Variants in ABHD2 observed in about 807,000 individuals in gnomAD.
The protein encoded by ABHD2 is abhydrolase domain containing 2, acylglycerol lipase.
A neutral mutation model predicts 48.1 loss-of-function variants in ABHD2; 20 were observed. The observed-to-expected ratio is 0.42, with a 90% confidence interval of 0.29 to 0.60. ABHD2 has a LOEUF of 0.60. ABHD2 is among the 20% of genes least tolerant of loss of function. The probability of loss-of-function intolerance (pLI) is 0.24; values close to 1 mark genes in which losing one functional copy is unlikely to be tolerated. For synonymous variants in ABHD2, 209 were observed against 214.2 expected, an observed-to-expected ratio of 0.98 and a Z score of 0.21; for missense variants, 405 against 550.9, an observed-to-expected ratio of 0.74 and a Z score of 2.65.
chr15:89,160,866 G>A (rs2050752170), intron 5 of ABHD2, among the ~76,000 whole-genome samples: 1 of 152,224 alleles, frequency 6.6e-6, no homozygotes, highest in Non-Finnish European at 1.5e-5. Flanking sequence ...GGGTGGGGGA[G>A]AAGCATCCTT....
chr15:89,170,966 A>C (rs1394409178), intron 5 of ABHD2, among the ~76,000 whole-genome samples: 2 of 152,052 alleles, frequency 1.3e-5, no homozygotes, highest in African/African-American at 4.8e-5. Context: ...AAATACAAAA[A>C]TTAGCCCGGC....
chr15:89,167,981 G>A lies in ABHD2; in HGVS notation c.539-7831G>A, dbSNP rs1003433978. ...ATTCAAACTTCCTTCTTATCCACCT[G>A]ACATTTTGTGGCATATCCACAGATG... On this transcript the variant is annotated intron_variant, in intron 5 of 10. Transcript: ENST00000352732. This position sits in a 1 kb window ranked among gnomAD's most constrained non-coding sequence, Gnocchi z 5.5. Among the ~76,000 whole-genome samples, 10 of 152,150 alleles carry A rather than the reference G, an allele frequency of 6.6e-5. No homozygotes were observed. The highest frequency in any genetic ancestry group is 1.3e-4 in the Non-Finnish European group (9 of 68,038).
chr15:89,099,340 G>A (rs535470493), intron 1 of ABHD2, among the ~76,000 whole-genome samples: 5 of 152,266 alleles, frequency 3.3e-5, no homozygotes, highest in African/African-American at 1.2e-4. Flanking sequence ...GCTCATACCT[G>A]TATAATTCCA....
At chr15:89,187,724 C>G (rs1337569446) in intron 7 of ABHD2, among the ~76,000 whole-genome samples, 1 of 152,208 alleles carries the variant, frequency 6.6e-6, no homozygotes, top group African/African-American at 2.4e-5. Context: ...TGCCCAAATG[C>G]TAAATGAGTT....
chr15:89,064,645 T>G, the ABHD2 span, among the ~76,000 whole-genome samples: 2 of 152,178 alleles, frequency 1.3e-5, no homozygotes, highest in African/African-American at 4.8e-5. Context: ...TAAAATTAAA[T>G]TATTATTTTT....
At chr15:89,121,142 T>G (rs2050043974) in intron 3 of ABHD2, among the ~76,000 whole-genome samples, 1 of 152,244 alleles carries the variant, frequency 6.6e-6, no homozygotes, top group Non-Finnish European at 1.5e-5. Context: ...AAATTTGAAC[T>G]AGGATGCAAA....
At chr15:89,143,004 G>GT (rs574022375) in intron 3 of ABHD2, among the ~76,000 whole-genome samples, 8 of 151,622 alleles carry the variant, frequency 5.3e-5, no homozygotes, top group East Asian at 3.9e-4. Context: ...TCCATGATGA[G>GT]TTTTTTTTTA....
Position 89,116,223 on chromosome 15 carries a change from A to T in ABHD2, c.-6-99A>T. 1 of 1,118,190 alleles carries T rather than the reference A, an allele frequency of 8.9e-7. No homozygotes were observed. The highest frequency in any genetic ancestry group is 1.3e-6 in the Non-Finnish European group (1 of 774,202). The allele number at this position is 1,118,190 out of a possible 1,614,324, so 69.3% of individuals were successfully genotyped here. A position where few individuals can be genotyped will look rare whatever the true frequency, so the allele number is the denominator to read the frequency against. On this transcript the variant is annotated intron_variant, in intron 2 of 10. Transcript: ENST00000352732. This position sits in a 1 kb window ranked among gnomAD's most constrained non-coding sequence, Gnocchi z 4.6. The stretch of plus-strand genomic sequence containing the variant: ...AACATCTGAATTGTGACACACCGTC[A>T]CTGGCAGTATCTCTTAGCCCACCAT...
the ABHD2 span, among the ~76,000 whole-genome samples, chr15:89,059,140 C>T: frequency 1.5e-4 from 23 of 152,268 alleles, no homozygotes; most frequent in African/African-American, 5.5e-4. Context: ...CCAGCATCTC[C>T]CATCATGCCC....
At chr15:89,049,226 TGAG>T in the ABHD2 span, among the ~76,000 whole-genome samples, 1 of 152,190 alleles carries the variant, frequency 6.6e-6, no homozygotes, top group Non-Finnish European at 1.5e-5. Context: ...GGGACCCACT[TGAG>T]GAGGCAGTCT....
At position 89,188,335 on chromosome 15, in the gene ABHD2, T is replaced by C. The variant is rs2150948752; in HGVS notation, c.926+32T>C. On this transcript the variant is annotated intron_variant, in intron 8 of 10. Coordinates refer to ENST00000352732, the MANE Select transcript of ABHD2 (RefSeq NM_152924.5). The surrounding 1 kb of genome is among the most constrained non-coding windows in gnomAD (Gnocchi z 4.1). ...CCGCGCAGGCGGGAGAGGGACGCTC[T>C]GGGGCAGGGTGCCAGGCAGGAGGCT... is the stretch of plus-strand genomic sequence containing the variant. 6.3e-7 allele frequency: 1 copy of C among 1,597,332 alleles called. No homozygotes were observed. Among genetic ancestry groups the C allele is most frequent in the Non-Finnish European group, 8.6e-7 (1 of 1,165,764 alleles).
rs1206388062 is a variant in ABHD2, at chr15:89,185,278, T to G, written c.723-146T>G. 4.8e-6 allele frequency: 3 copies of G among 622,146 alleles called. No homozygotes were observed. Among genetic ancestry groups the G allele is most frequent in the Non-Finnish European group, 8.5e-6 (3 of 351,710 alleles). 38.5% of individuals were successfully genotyped at this position (622,146 alleles called of 1,614,324 possible). A position where few individuals can be genotyped will look rare whatever the true frequency, so the allele number is the denominator to read the frequency against. On this transcript the variant is annotated intron_variant, in intron 6 of 10. Transcript: ENST00000352732. This position sits in a 1 kb window ranked among gnomAD's most constrained non-coding sequence, Gnocchi z 5.9. ...TCCACAGGTGTTTGAGCTCTGCACA[T>G]TAGAGCCTCTGTTTTAATGCAGAGG...
rs982940898 is a variant in ABHD2, at chr15:89,120,137, T to A, written c.194+3616T>A. Among the ~76,000 whole-genome samples the A allele has an allele frequency of 6.6e-6, 1 of 152,208 alleles. No homozygotes were observed. Among genetic ancestry groups the A allele is most frequent in the African/African-American group, 2.4e-5 (1 of 41,442 alleles). ...ATGCTCGAGGAGCAGGGATTACTGTTTTCCCCCTCAGCATTAAAGTCAATT... is the reference window on the plus strand; with the variant it reads ...ATGCTCGAGGAGCAGGGATTACTGTATTCCCCCTCAGCATTAAAGTCAATT... On this transcript the variant is annotated intron_variant, in intron 3 of 10. Coordinates refer to ENST00000352732, the MANE Select transcript of ABHD2 (RefSeq NM_152924.5). The surrounding 1 kb of genome is among the most constrained non-coding windows in gnomAD (Gnocchi z 4.2).
rs903937450 is a variant in ABHD2, at chr15:89,197,188, A to G, written c.*1765A>G. 6.6e-6 allele frequency: 1 copy of G among 152,632 alleles called. No individual in the cohort carries two copies. Among genetic ancestry groups the G allele is most frequent in the East Asian group, 1.9e-4 (1 of 5,188 alleles). 9.5% of individuals were successfully genotyped at this position (152,632 alleles called of 1,614,324 possible). A position where few individuals can be genotyped will look rare whatever the true frequency, so the allele number is the denominator to read the frequency against. On this transcript the variant is annotated 3_prime_UTR_variant, in exon 11 of 11. Transcript: ENST00000352732. This position sits in a 1 kb window ranked among gnomAD's most constrained non-coding sequence, Gnocchi z 4.4. ...TAACCTGAAGAAGTTGTTTTCTGAC[A>G]ATCACCAAATCATCCGAATGACATC...
intron 3 of ABHD2, chr15:89,135,404 T>C (rs1338284234): frequency 1.7e-6 from 1 of 580,786 alleles, no homozygotes; most frequent in Non-Finnish European, 3.0e-6. Flanking sequence ...GTGTTAACTA[T>C]ACAAAAAAAA....
At chr15:89,045,873 T>C in the ABHD2 span, among the ~76,000 whole-genome samples, 2 of 152,232 alleles carry the variant, frequency 1.3e-5, no homozygotes, top group African/African-American at 2.4e-5. Context: ...CTTTTCCTAA[T>C]TGAATACCCT....
intron 3 of ABHD2, among the ~76,000 whole-genome samples, chr15:89,117,365 T>C (rs2049978127): frequency 6.6e-6 from 1 of 152,216 alleles, no homozygotes; most frequent in South Asian, 2.1e-4. Context: ...CGGGCTCTGC[T>C]TCTGACAGAG....
rs2051063708 is a variant in ABHD2 at position 89,179,019 on chromosome 15, CCT to C, written c.722+3026_722+3027del. ...GTAAAAGATAGTCTGTATCTGAGGA[CCT>C]CACAGCACTTAAGACAGCAGAGTGA... On this transcript the variant is annotated intron_variant, in intron 6 of 10. Coordinates refer to ENST00000352732, the MANE Select transcript of ABHD2 (RefSeq NM_152924.5). This position sits in a 1 kb window ranked among gnomAD's most constrained non-coding sequence, Gnocchi z 4.3. Among the ~76,000 whole-genome samples the C allele has an allele frequency of 6.6e-6, 1 of 152,212 alleles. No individual in the cohort carries two copies. The highest frequency in any genetic ancestry group is 6.5e-5 in the Admixed American group (1 of 15,288).
At chr15:89,178,333 CT>C (rs113665275) in intron 6 of ABHD2, among the ~76,000 whole-genome samples, 11 of 151,846 alleles carry the variant, frequency 7.2e-5, no homozygotes, top group African/African-American at 2.4e-4. Context: ...CCAGTATAAC[CT>C]TTTTTTTTCC....
Sources: gnomAD v4.1 joint callset for allele counts (sites outside exome capture counted in the v4.1 genomes callset) on GRCh38, gnomAD v4.1.1 for gene constraint, Gnocchi (gnomAD v3.1) non-coding constraint, MANE v1.5 for transcripts, NCBI Gene and HGNC (gene_info 2026-07-23, HGNC 2026-07-21) for gene names.